The following COL2A1 variants were observed in gnomAD, a reference collection of about 807,000 sequenced individuals.
COL2A1 encodes collagen type II alpha 1 chain, also known as collagen alpha-1(II) chain.
In COL2A1, 28 loss-of-function variants were observed where a neutral mutation model predicts 204.5. The observed-to-expected ratio is 0.14, with a 90% confidence interval of 0.10 to 0.19. The LOEUF (loss-of-function observed/expected upper bound fraction) is 0.19. Among genes scored for constraint, COL2A1 ranks in the 10% least tolerant of loss-of-function variants. The pLI, the probability that COL2A1 is intolerant of heterozygous loss-of-function variation, is 1.00. For missense variants in COL2A1, 1,388 were observed against 2,027.5 expected (o/e 0.68, Z 6.06); for synonymous variants, 708 against 718.7 (o/e 0.99, Z 0.24).
At chr12:47,995,670 G>A (rs1345513786) in intron 10 of COL2A1, 40 bp downstream of exon 10, 3 of 1,595,820 alleles carry the variant, frequency 1.9e-6, no homozygotes, top group Non-Finnish European at 2.6e-6. Context: ...TATCATTAGA[G>A]GCTCCCCCAG....
At chr12:48,005,716 G>A (rs972015280), upstream of COL2A1, 10 of 152,238 alleles carry the variant, frequency 6.6e-5, no homozygotes, top group African/African-American at 2.4e-4. Flanking sequence ...TGAGCGATAT[G>A]GTCCCCCAAA....
intron 17 of COL2A1, 108 bp from the exon 18 acceptor site, chr12:47,989,389 C>T: frequency 3.1e-6 from 3 of 958,990 alleles, no homozygotes; most frequent in East Asian, 2.5e-5. Context: ...GATTTCACTC[C>T]ATATCCATTG....
chr12:47,997,054 G>C lies in COL2A1; in HGVS notation c.532-429C>G, dbSNP rs530833460. ...AGCAAGAGATGTAGTAGGCATCTGT[G>C]ATCCCATTTGAGTTTAAGAATTTAA... On this transcript the variant is annotated intron_variant, in intron 7 of 53. Transcript: ENST00000380518. 2.8e-4 allele frequency among the ~76,000 whole-genome samples: 43 copies of C among 152,286 alleles called. 1 individual carries two copies. The South Asian group carries it at 8.9e-3, about 32-fold the overall frequency.
intron 5 of COL2A1, 26 bp downstream of exon 5, chr12:47,998,006 G>A: frequency 2.5e-6 from 4 of 1,614,196 alleles, no homozygotes; most frequent in Non-Finnish European, 3.4e-6. Flanking sequence ...GGAAGGGACG[G>A]AGAAAGAGAT....
Position 47,989,263 on chromosome 12 carries a change from C to T in COL2A1, c.1087G>A (p.Gly363Ser). 6.2e-7 allele frequency: 1 copy of T among 1,613,138 alleles called. No homozygotes were observed. The highest frequency in any genetic ancestry group is 8.5e-7 in the Non-Finnish European group (1 of 1,179,848). Residue 363 changes from glycine (G) to serine (S), a missense_variant, in exon 18 of 54, where the codon GGT (glycine) becomes AGT (serine). By Grantham distance (56) the Gly-to-Ser change is moderately conservative. This residue lies in a region of COL2A1 where 884 missense variants were observed against 1,415.8 expected (regional missense o/e 0.62). Transcript: ENST00000380518. ...AGPPGPVGPA[G>S]GPGFPGAPGA... is the part of the protein sequence containing the mutation. ...GGAGCACCAGGGAAGCCAGGACCACCAGCAGGACCGACAGGACCCTGGAGA... is the reference window on the plus strand; with the variant it reads ...GGAGCACCAGGGAAGCCAGGACCACTAGCAGGACCGACAGGACCCTGGAGA...
At chr12:47,995,975 A>G in intron 8 of COL2A1, 56 bp from the exon 9 acceptor site, 1 of 1,424,206 alleles carries the variant, frequency 7.0e-7, no homozygotes, top group African/African-American at 1.4e-5. Context: ...AGTGGCCTCC[A>G]GTGTGCCATC....
rs1938829196 is a variant in COL2A1 at position 47,978,200 on chromosome 12, G to A, written c.3004-83C>T. The A allele has an allele frequency of 6.3e-7, 1 of 1,579,572 alleles. No individual in the cohort carries two copies. The highest frequency in any genetic ancestry group is 1.4e-5 in the African/African-American group (1 of 74,038). On this transcript the variant is annotated intron_variant, in intron 43 of 53. Coordinates refer to ENST00000380518, the MANE Select transcript of COL2A1 (RefSeq NM_001844.5). The surrounding 1 kb of genome is among the most constrained non-coding windows in gnomAD (Gnocchi z 5.5). ...CCACTGACCCTTCAGGGAGAGGGCAGACAAGGGACAGTCCTGAGGGTGCTG... is the reference window on the plus strand; with the variant it reads ...CCACTGACCCTTCAGGGAGAGGGCAAACAAGGGACAGTCCTGAGGGTGCTG...
rs569369662 is a variant in COL2A1 at position 47,998,381 on chromosome 12, A to C, written c.309+34T>G. On this transcript the variant is annotated intron_variant, in intron 3 of 53. Transcript: ENST00000380518. ...TGAAGCAGAAAATATAAAGCCAAAAAAATATGAAAAAAGAAAAAGAAGAAA... is the reference window on the plus strand; with the variant it reads ...TGAAGCAGAAAATATAAAGCCAAAACAATATGAAAAAAGAAAAAGAAGAAA... 25 of 1,580,112 alleles carry C rather than the reference A, an allele frequency of 1.6e-5. No homozygotes were observed. The South Asian group carries it at 2.6e-4, about 17-fold the overall frequency.
At position 47,980,686 on chromosome 12, in the gene COL2A1, T is replaced by G; in HGVS notation, c.2518-25A>C. 6.3e-7 allele frequency: 1 copy of G among 1,596,658 alleles called. No homozygotes were observed. Among genetic ancestry groups the G allele is most frequent in the Non-Finnish European group, 8.5e-7 (1 of 1,169,780 alleles). ...CCTATAATGGGAAGGAGGAAGCAGG[T>G]GAATGAGGGGCAGGCTAAAACCCTG... On this transcript the variant is annotated intron_variant, in intron 38 of 53. Transcript: ENST00000380518. This position sits in a 1 kb window ranked among gnomAD's most constrained non-coding sequence, Gnocchi z 4.5.
chr12:47,982,041 C>T, intron 35 of COL2A1, 66 bp downstream of exon 35: 1 of 1,533,594 alleles, frequency 6.5e-7, no homozygotes, highest in Non-Finnish European at 9.0e-7. Context: ...AGCCCTCTCT[C>T]CTGCTCTCCT....
Position 47,978,238 on chromosome 12 carries a change from G to A in COL2A1, c.3003+53C>T. 6.2e-7 allele frequency: 1 copy of A among 1,602,774 alleles called. No homozygotes were observed. The highest frequency in any genetic ancestry group is 1.1e-5 in the South Asian group (1 of 90,156). On this transcript the variant is annotated intron_variant, in intron 43 of 53. Coordinates refer to ENST00000380518, the MANE Select transcript of COL2A1 (RefSeq NM_001844.5). The surrounding 1 kb of genome is among the most constrained non-coding windows in gnomAD (Gnocchi z 5.5). Reference sequence around the variant, plus strand: ...CCTGAGGGTGCTGAGGGAGGTAGAAGCCTTGGCAGGCAGGGCCCAGCTTGG... The same window carrying A: ...CCTGAGGGTGCTGAGGGAGGTAGAAACCTTGGCAGGCAGGGCCCAGCTTGG...
intron 37 of COL2A1, 117 bp from the exon 38 acceptor site, chr12:47,981,085 G>T: frequency 8.9e-7 from 1 of 1,121,562 alleles, no homozygotes; most frequent in Non-Finnish European, 1.3e-6. Context: ...ACGGGGATCT[G>T]AAAGCAGCCT....
chr12:47,999,494 T>C lies in COL2A1; in HGVS notation c.292+425A>G, dbSNP rs537488447. Among the ~76,000 whole-genome samples, 8 of 152,230 alleles carry C rather than the reference T, an allele frequency of 5.3e-5. No individual in the cohort carries two copies. In the South Asian group the frequency reaches 1.2e-3, roughly 24 times the overall value. The stretch of plus-strand genomic sequence containing the variant: ...CTAGCTGGCAGAGCTTTCTCCACAC[T>C]GAAGACCACATACATAGAAGTCTTC... On this transcript the variant is annotated intron_variant, in intron 2 of 53. Coordinates refer to ENST00000380518, the MANE Select transcript of COL2A1 (RefSeq NM_001844.5).
At position 47,993,445 on chromosome 12, in the gene COL2A1, T is replaced by C. The variant is rs752733598; in HGVS notation, c.969+13A>G. ...GTCTTTGATAAACCTTCCTGGAGGG[T>C]GTCCATACTTACCATTGGGCCCGGA... On this transcript the variant is annotated intron_variant, in intron 15 of 53. Coordinates refer to ENST00000380518, the MANE Select transcript of COL2A1 (RefSeq NM_001844.5). The C allele has an allele frequency of 3.4e-5, 55 of 1,603,604 alleles. No homozygotes were observed. Among genetic ancestry groups the C allele is most frequent in the Non-Finnish European group, 3.4e-6 (4 of 1,170,628 alleles).
chr12:47,981,089 G>T, intron 37 of COL2A1, 121 bp from the exon 38 acceptor site: 1 of 1,090,446 alleles, frequency 9.2e-7, no homozygotes, highest in Non-Finnish European at 1.3e-6. Flanking sequence ...GGATCTGAAA[G>T]CAGCCTTAGT....
intron 1 of COL2A1, among the ~76,000 whole-genome samples, chr12:48,001,480 A>AG (rs1161786458): frequency 6.6e-6 from 1 of 152,150 alleles, no homozygotes; most frequent in Non-Finnish European, 1.5e-5. Context: ...GGTGTGGGAG[A>AG]GGGGGCATCG....
intron 41 of COL2A1, among the ~76,000 whole-genome samples, 154 bp downstream of exon 41, chr12:47,979,357 G>T (rs1391867185): frequency 6.6e-6 from 1 of 152,178 alleles, no homozygotes; most frequent in Non-Finnish European, 1.5e-5. Context: ...CACCCTCAGG[G>T]GATAGGTCCC....
At position 47,987,342 on chromosome 12, in the gene COL2A1, A is replaced by G; in HGVS notation, c.1222-29T>C. ...AAAAGGGAGACATTGTCAAATAAGCAGCAAAGAATGAACCCCAACCACCTC... is the reference window on the plus strand; with the variant it reads ...AAAAGGGAGACATTGTCAAATAAGCGGCAAAGAATGAACCCCAACCACCTC... On this transcript the variant is annotated intron_variant, in intron 19 of 53. Transcript: ENST00000380518. The surrounding 1 kb of genome is among the most constrained non-coding windows in gnomAD (Gnocchi z 4.1). 6.2e-7 allele frequency: 1 copy of G among 1,613,356 alleles called. No individual in the cohort carries two copies. Among genetic ancestry groups the G allele is most frequent in the East Asian group, 2.2e-5 (1 of 44,874 alleles).
rs116381604 is a variant in COL2A1 at position 47,978,269 on chromosome 12, G to C, written c.3003+22C>G. The C allele has an allele frequency of 7.3e-4, 1,177 of 1,612,290 alleles. 8 individuals are homozygous for C. In the African/African-American group the frequency reaches 0.014, roughly 19 times the overall value. ...GCAGGCAGGGCCCAGCTTGGATGGAGGGAGGGATACCCCACACTCACCGAC... is the reference window on the plus strand; with the variant it reads ...GCAGGCAGGGCCCAGCTTGGATGGACGGAGGGATACCCCACACTCACCGAC... On this transcript the variant is annotated intron_variant, in intron 43 of 53. Coordinates refer to ENST00000380518, the MANE Select transcript of COL2A1 (RefSeq NM_001844.5). This position sits in a 1 kb window ranked among gnomAD's most constrained non-coding sequence, Gnocchi z 5.5.
Sources: gnomAD v4.1 joint callset for allele counts (sites outside exome capture counted in the v4.1 genomes callset) on GRCh38, gnomAD v4.1.1 for gene constraint, gnomAD v4.1.1 regional missense constraint, Gnocchi (gnomAD v3.1) non-coding constraint, MANE v1.5 for transcripts, NCBI Gene and HGNC (gene_info 2026-07-23, HGNC 2026-07-21) for gene names.